Variants in AHI1 observed in about 807,000 individuals in gnomAD.
The protein encoded by AHI1 is Abelson helper integration site 1, also known as jouberin.
A neutral mutation model predicts 149.3 loss-of-function variants in AHI1; 123 were observed. That is an observed-to-expected ratio of 0.82 (90% CI 0.71 to 0.96). The LOEUF is 0.96. Among genes scored for constraint, AHI1 ranks in the 40% least tolerant of loss-of-function variants. The probability of loss-of-function intolerance (pLI) is 0.00; values close to 1 mark genes in which losing one functional copy is unlikely to be tolerated. For synonymous variants in AHI1, 475 were observed against 459.8 expected (o/e 1.03, Z -0.42); for missense variants, 1,439 against 1,422.7 (o/e 1.01, Z -0.18).
chr6:135,326,987 G>A (rs888927466), intron 24 of AHI1, among the ~76,000 whole-genome samples: 8 of 152,138 alleles, frequency 5.3e-5, no homozygotes, highest in East Asian at 1.9e-4. Context: ...GTGAGAACAC[G>A]TAGTATTTGG....
At chr6:135,355,770 A>G (rs1792857139) in intron 24 of AHI1, among the ~76,000 whole-genome samples, 5 of 152,080 alleles carry the variant, frequency 3.3e-5, no homozygotes, top group Admixed American at 3.3e-4. Context: ...GTGGTTGTGG[A>G]CGCCTGTAAT....
At chr6:135,430,101 T>A (rs886958178) in intron 17 of AHI1, 101 bp from the exon 18 acceptor site, 3 of 612,776 alleles carry the variant, frequency 4.9e-6, no homozygotes, top group Non-Finnish European at 8.4e-6. Flanking sequence ...CCAATTCCAC[T>A]GTATAGGATG....
At chr6:135,297,932 G>A (rs1783342854) in intron 27 of AHI1, among the ~76,000 whole-genome samples, 1 of 152,046 alleles carries the variant, frequency 6.6e-6, no homozygotes, top group East Asian at 1.9e-4. Flanking sequence ...CATTCATTTA[G>A]TTCAGATTTC....
chr6:135,465,794 A>G lies in AHI1; in HGVS notation c.749+20T>C. The G allele has an allele frequency of 2.8e-6, 4 of 1,444,102 alleles. No homozygotes were observed. Among genetic ancestry groups the G allele is most frequent in the Non-Finnish European group, 3.6e-6 (4 of 1,098,626 alleles). The allele number at this position is 1,444,102 out of a possible 1,614,324, so 89.5% of individuals were successfully genotyped here. ...GTGTTTTTCTAAGAGGATATTTTACATTTATCAATGCAAAAATACCTTGTT... is the reference window on the plus strand; with the variant it reads ...GTGTTTTTCTAAGAGGATATTTTACGTTTATCAATGCAAAAATACCTTGTT... On this transcript the variant is annotated intron_variant, in intron 7 of 28. Coordinates refer to ENST00000265602, the MANE Select transcript of AHI1 (RefSeq NM_001134831.2).
At chr6:135,455,964 A>G (rs1281652709) in intron 9 of AHI1, 38 bp from the exon 10 acceptor site, 1 of 1,328,638 alleles carries the variant, frequency 7.5e-7, no homozygotes. Flanking sequence ...CACAATTTTC[A>G]TAATTTTGAG....
At chr6:135,360,763 T>C (rs1793739476) in intron 23 of AHI1, among the ~76,000 whole-genome samples, 1 of 152,246 alleles carries the variant, frequency 6.6e-6, no homozygotes, top group African/African-American at 2.4e-5. Context: ...TATTTTAAAA[T>C]CTGCATATAT....
Position 135,312,388 on chromosome 6 carries a change from CCT to C in AHI1, c.3426+6129_3426+6130del, listed in dbSNP as rs747389998. ...AATTAGCCAGGCATGGTGGTGCACG[CCT>C]GTAATCTCAGCTACTTGGGAGGCTG... On this transcript the variant is annotated intron_variant, in intron 26 of 28. Transcript: ENST00000265602. Among the ~76,000 whole-genome samples the C allele has an allele frequency of 3.3e-5, 5 of 152,178 alleles. No individual in the cohort carries two copies. In the East Asian group the frequency reaches 9.7e-4, roughly 29 times the overall value.
intron 24 of AHI1, among the ~76,000 whole-genome samples, chr6:135,347,564 T>C (rs1791422424): frequency 6.6e-6 from 1 of 152,224 alleles, no homozygotes. Flanking sequence ...GTGATGATAA[T>C]AATAATTTAT....
At chr6:135,300,401 T>C (rs1053466607) in intron 27 of AHI1, 99 bp downstream of exon 27, 7 of 1,219,038 alleles carry the variant, frequency 5.7e-6, no homozygotes, top group Admixed American at 3.0e-5. Context: ...ATTTAACTTA[T>C]AGTTTGATAA....
At chr6:135,405,422 A>G (rs1780616863) in intron 21 of AHI1, among the ~76,000 whole-genome samples, 1 of 152,200 alleles carries the variant, frequency 6.6e-6, no homozygotes, top group Non-Finnish European at 1.5e-5. Context: ...GATAAAATAT[A>G]TGACTATTAT....
At chr6:135,328,796 CAAACAGTCA>C (rs1040121959) in intron 24 of AHI1, among the ~76,000 whole-genome samples, 7 of 151,934 alleles carry the variant, frequency 4.6e-5, no homozygotes, top group Non-Finnish European at 8.8e-5. Context: ...CATTTTGTGC[CAAACAGTCA>C]AGTTATGAAT....
chr6:135,321,437 TGAA>T, intron 25 of AHI1, among the ~76,000 whole-genome samples: 1 of 152,044 alleles, frequency 6.6e-6, no homozygotes. Context: ...GCAGATAAAC[TGAA>T]GAAGGGAGCT....
chr6:135,307,269 A>G (rs1562471129), intron 26 of AHI1: 2 of 152,236 alleles, frequency 1.3e-5, no homozygotes, highest in East Asian at 3.8e-4. Flanking sequence ...CTAAAGGGGA[A>G]CCATATTAAA....
intron 8 of AHI1, among the ~76,000 whole-genome samples, chr6:135,462,802 G>A (rs764525133): frequency 9.2e-5 from 14 of 152,144 alleles, no homozygotes; most frequent in Middle Eastern, 6.8e-3. Flanking sequence ...TCAGGAGGCC[G>A]AGGCAGGAGA....
chr6:135,462,745 AC>A, intron 8 of AHI1, among the ~76,000 whole-genome samples: 2 of 152,212 alleles, frequency 1.3e-5, no homozygotes, highest in South Asian at 4.2e-4. Context: ...TACTAACAAT[AC>A]AAAAATTAGC....
intron 16 of AHI1, among the ~76,000 whole-genome samples, chr6:135,431,915 ATTCT>A (rs150554459): frequency 0.024 from 3,691 of 151,962 alleles, 64 homozygotes; most frequent in East Asian, 0.054. Flanking sequence ...GTATTAAAAT[ATTCT>A]TTCTAATTCT....
chr6:135,315,692 C>A (rs1283014713), intron 26 of AHI1, among the ~76,000 whole-genome samples: 2 of 152,264 alleles, frequency 1.3e-5, no homozygotes, highest in African/African-American at 4.8e-5. Context: ...GAGCAGCTCC[C>A]AGAACTACTA....
chr6:135,388,826 A>G (rs563579193), intron 23 of AHI1, among the ~76,000 whole-genome samples: 1 of 151,788 alleles, frequency 6.6e-6, no homozygotes, highest in South Asian at 2.1e-4. Context: ...AGCCTGGTCA[A>G]CACGGTGAAA....
At position 135,374,407 on chromosome 6, in the gene AHI1, C is replaced by T. The variant is rs939912778; in HGVS notation, c.3110-16220G>A. ...GATTACAGGCGTGAGCCACCGCGCT[C>T]GGCCCTTTTCTGCTAGTTTAATGTG... On this transcript the variant is annotated intron_variant, in intron 23 of 28. Transcript: ENST00000265602. 5.3e-5 allele frequency among the ~76,000 whole-genome samples: 8 copies of T among 151,914 alleles called. No homozygotes were observed. The South Asian group carries it at 1.2e-3, about 24-fold the overall frequency.
Sources: gnomAD v4.1 joint callset for allele counts (sites outside exome capture counted in the v4.1 genomes callset) on GRCh38, gnomAD v4.1.1 for gene constraint, MANE v1.5 for transcripts, NCBI Gene and HGNC (gene_info 2026-07-23, HGNC 2026-07-21) for gene names.